NEK10: variants seen among roughly 807,000 people sequenced by gnomAD.
The protein encoded by NEK10 is NIMA related kinase 10, also known as serine/threonine-protein kinase Nek10.
In NEK10, 122 loss-of-function variants were observed where a neutral mutation model predicts 159.8. The ratio of observed to expected loss-of-function variants is 0.76; its 90% CI spans 0.66 to 0.89. NEK10 has a LOEUF of 0.89. Among genes scored for constraint, NEK10 ranks in the 40% least tolerant of loss-of-function variants. NEK10 has a pLI of 0.00. For missense variants in NEK10, 1,342 were observed against 1,323.1 expected (o/e 1.01, Z -0.22); for synonymous variants, 466 against 457.1 (o/e 1.02, Z -0.25).
chr3:27,229,655 G>A (rs186196568), intron 23 of NEK10, among the ~76,000 whole-genome samples: 11 of 152,150 alleles, frequency 7.2e-5, no homozygotes, highest in African/African-American at 2.6e-4. Context: ...TTTCCGGAGA[G>A]ATAGATATCA....
At chr3:27,202,705 G>T in intron 23 of NEK10, 148 bp from the exon 24 acceptor site, 1 of 1,115,180 alleles carries the variant, frequency 9.0e-7, no homozygotes, top group Non-Finnish European at 1.2e-6. Context: ...CAAAAAGTCT[G>T]TTTGAAATTT....
chr3:27,154,735 C>T (rs935086052), intron 30 of NEK10, among the ~76,000 whole-genome samples: 1 of 152,130 alleles, frequency 6.6e-6, no homozygotes, highest in Non-Finnish European at 1.5e-5. Context: ...AAGCATTCAA[C>T]AAAATCCAGC....
Position 27,116,196 on chromosome 3 carries a change from A to G in NEK10, c.3191-69T>C, listed in dbSNP as rs563791938. 8.5e-6 allele frequency: 12 copies of G among 1,417,978 alleles called. No homozygotes were observed. The African/African-American group carries it at 1.3e-4, about 15-fold the overall frequency. 87.8% of individuals were successfully genotyped at this position (1,417,978 alleles called of 1,614,324 possible). ...TTTTCTTAGTTATTCTTTACTGGCA[A>G]TTATGACTTCAACCACAGGGCAAAC... On this transcript the variant is annotated intron_variant, in intron 33 of 35. Coordinates refer to ENST00000691995, the MANE Select transcript of NEK10 (RefSeq NM_001394966.1).
chr3:27,117,280 A>G (rs961393096), intron 33 of NEK10, among the ~76,000 whole-genome samples: 9 of 152,200 alleles, frequency 5.9e-5, no homozygotes, highest in Non-Finnish European at 1.0e-4. Context: ...TAGTATAGCA[A>G]TGAACATATG....
At position 27,301,699 on chromosome 3, in the gene NEK10, C is replaced by A. The variant is rs1260207907; in HGVS notation, c.1165G>T (p.Ala389Ser). ...TCAAATAATAAAACATAAATACCTG[C>A]TTGAAGTGAGAAAGTATTTTCTTGT... Reference protein sequence around the residue: ...EIQENTFSLQAACCAALTELV... With the variant: ...EIQENTFSLQSACCAALTELV... Residue 389 changes from alanine (A) to serine (S), a missense_variant, in exon 13 of 36, where the codon GCA (alanine) becomes TCA (serine). Transcript: ENST00000691995. 1 of 1,555,352 alleles carries A rather than the reference C, an allele frequency of 6.4e-7. No homozygotes were observed. Among genetic ancestry groups the A allele is most frequent in the Admixed American group, 1.8e-5 (1 of 55,882 alleles).
In NEK10 at chr3:27,352,914, G is replaced by A. The variant is rs763922507; in HGVS notation, c.-32C>T. On this transcript the variant is annotated 5_prime_UTR_variant, in exon 2 of 36. An upstream open reading frame in the 5' UTR gains an earlier in-frame stop. Transcript: ENST00000691995. The stretch of plus-strand genomic sequence containing the variant: ...ACATCAATGCCCCAGAATTAACATC[G>A]CATTCCTTTAAAATTAAACCAGAGG... 23 of 1,508,430 alleles carry A rather than the reference G, an allele frequency of 1.5e-5. 1 individual carries two copies. Among genetic ancestry groups the A allele is most frequent in the South Asian group, 4.5e-5 (4 of 88,026 alleles). 93.4% of individuals were successfully genotyped at this position (1,508,430 alleles called of 1,614,324 possible).
At chr3:27,315,404 CACTT>C (rs961490304) in intron 6 of NEK10, among the ~76,000 whole-genome samples, 28 of 152,258 alleles carry the variant, frequency 1.8e-4, no homozygotes, top group African/African-American at 6.7e-4. Context: ...ATACTGAACA[CACTT>C]ACATCTAAAT....
At chr3:27,305,279 T>C (rs2044147388) in intron 11 of NEK10, among the ~76,000 whole-genome samples, 1 of 152,260 alleles carries the variant, frequency 6.6e-6, no homozygotes, top group South Asian at 2.1e-4. Flanking sequence ...AGCAGTGGAA[T>C]AAACTTAGAC....
intron 23 of NEK10, among the ~76,000 whole-genome samples, chr3:27,211,084 C>T (rs1314812499): frequency 2.0e-5 from 3 of 152,124 alleles, no homozygotes; most frequent in African/African-American, 4.8e-5. Context: ...GTTGATCTGC[C>T]TTTAATTAGT....
chr3:27,330,861 G>A (rs2046343154), intron 5 of NEK10, among the ~76,000 whole-genome samples: 1 of 152,140 alleles, frequency 6.6e-6, no homozygotes, highest in Admixed American at 6.5e-5. Flanking sequence ...ATAAAGAGAT[G>A]AGGCCAAGAA....
chr3:27,236,607 C>T (rs971286108), intron 23 of NEK10, among the ~76,000 whole-genome samples: 3 of 152,044 alleles, frequency 2.0e-5, no homozygotes, highest in Admixed American at 1.3e-4. Flanking sequence ...CATCACATAT[C>T]GGTAAGTCCG....
Position 27,111,267 on chromosome 3 carries a change from C to T in NEK10, c.*5G>A, listed in dbSNP as rs199987778. ...AAAATCAAGTCCACTCAAAATGCAG[C>T]ATTTTCATCTTTTGGTTGGGTGATT... On this transcript the variant is annotated 3_prime_UTR_variant, in exon 36 of 36. Transcript: ENST00000691995. 1,418 of 1,608,718 alleles carry T rather than the reference C, an allele frequency of 8.8e-4. 1 individual carries two copies. The highest frequency in any genetic ancestry group is 1.1e-3 in the Non-Finnish European group (1,273 of 1,177,106).
intron 2 of NEK10, 100 bp downstream of exon 2, chr3:27,352,712 G>A (rs2048058778): frequency 2.3e-6 from 2 of 870,114 alleles, no homozygotes; most frequent in Non-Finnish European, 3.8e-6. Flanking sequence ...ACTCTGAATA[G>A]TAGTTGTCAA....
intron 25 of NEK10, among the ~76,000 whole-genome samples, 160 bp from the exon 26 acceptor site, chr3:27,192,402 A>T (rs1161939593): frequency 1.3e-5 from 2 of 152,208 alleles, no homozygotes; most frequent in Non-Finnish European, 2.9e-5. Flanking sequence ...TGAGTCCAAG[A>T]CTTCTCAAAA....
chr3:27,311,228 G>A (rs2044673878), intron 8 of NEK10: 1 of 395,626 alleles, frequency 2.5e-6, no homozygotes, highest in Non-Finnish European at 4.5e-6. Context: ...TAATATTATT[G>A]TAATAATGAA....
chr3:27,294,772 G>GA (rs960764326), intron 15 of NEK10, among the ~76,000 whole-genome samples: 28 of 150,242 alleles, frequency 1.9e-4, no homozygotes, highest in East Asian at 1.4e-3. Context: ...TGACTTGGGG[G>GA]AAAAAAAAAG....
chr3:27,213,747 A>G (rs538073102), intron 23 of NEK10, among the ~76,000 whole-genome samples: 1 of 152,244 alleles, frequency 6.6e-6, no homozygotes, highest in South Asian at 2.1e-4. Context: ...CCAAATTCCA[A>G]CCTGACTCTG....
intron 23 of NEK10, among the ~76,000 whole-genome samples, chr3:27,220,283 GT>G (rs1463716367): frequency 2.0e-5 from 3 of 152,154 alleles, no homozygotes; most frequent in African/African-American, 7.2e-5. Context: ...CTTTCTGAAG[GT>G]TCTGGGAGAG....
Position 27,162,753 on chromosome 3 carries a change from A to G in NEK10, c.2832-15T>C. The G allele has an allele frequency of 6.2e-7, 1 of 1,614,114 alleles. No homozygotes were observed. The highest frequency in any genetic ancestry group is 8.5e-7 in the Non-Finnish European group (1 of 1,179,990). On this transcript the variant is annotated splice_polypyrimidine_tract_variant and intron_variant, in intron 29 of 35. Transcript: ENST00000691995. ...CAGTGAAGTCCCTGAAAATAGAATTACAGGCCATTAGAATGACCTGTTCAA... is the reference window on the plus strand; with the variant it reads ...CAGTGAAGTCCCTGAAAATAGAATTGCAGGCCATTAGAATGACCTGTTCAA...
Sources: allele counts gnomAD v4.1 joint callset (sites outside exome capture counted in the v4.1 genomes callset), GRCh38; gene constraint gnomAD v4.1.1; transcripts MANE v1.5; gene names NCBI Gene and HGNC (gene_info 2026-07-23, HGNC 2026-07-21).